RIMS1: variants seen among roughly 807,000 people sequenced by gnomAD.
RIMS1 encodes regulating synaptic membrane exocytosis protein 1.
RIMS1 carries 83 observed loss-of-function variants against 214.1 expected under a neutral mutation model. The ratio of observed to expected loss-of-function variants is 0.39; its 90% confidence interval spans 0.32 to 0.47. The LOEUF (loss-of-function observed/expected upper bound fraction) is 0.47, where lower values mean the gene tolerates loss of function less well. RIMS1 is among the 20% of genes least tolerant of loss of function. RIMS1 has a pLI of 0.99. For missense variants in RIMS1, 2,050 were observed against 2,161.8 expected (o/e 0.95, Z 1.03); for synonymous variants, 793 against 786.8 (o/e 1.01, Z -0.13).
intron 2 of RIMS1, among the ~76,000 whole-genome samples, chr6:72,096,431 A>G (rs1357081240): frequency 6.6e-6 from 1 of 152,256 alleles, no homozygotes; most frequent in Non-Finnish European, 1.5e-5. Context: ...AGTATTTGTC[A>G]AAGTATGCAT....
chr6:72,311,672 T>C (rs193237880), intron 27 of RIMS1, among the ~76,000 whole-genome samples: 120 of 152,306 alleles, frequency 7.9e-4, no homozygotes, highest in African/African-American at 2.8e-3. Flanking sequence ...ATGCCTGATA[T>C]GAAATTCTTT....
intron 29 of RIMS1, among the ~76,000 whole-genome samples, chr6:72,343,579 G>T (rs755054689): frequency 1.4e-5 from 2 of 138,364 alleles, no homozygotes; most frequent in African/African-American, 2.8e-5. Context: ...CCAAAGTCCT[G>T]GGATTACTGG....
At chr6:71,995,067 A>T (rs745421851) in intron 2 of RIMS1, among the ~76,000 whole-genome samples, 2 of 152,034 alleles carry the variant, frequency 1.3e-5, no homozygotes, top group African/African-American at 4.8e-5. Context: ...CATAGTGTAG[A>T]TCTAACACTC....
At chr6:72,237,649 C>T (rs2064798852) in intron 8 of RIMS1, among the ~76,000 whole-genome samples, 174 bp from the exon 9 acceptor site, 1 of 150,560 alleles carries the variant, frequency 6.6e-6, no homozygotes, top group Admixed American at 6.6e-5. Context: ...GCATTCCATC[C>T]TGGGTGACAG....
chr6:72,156,388 T>C (rs2044445158), intron 4 of RIMS1, among the ~76,000 whole-genome samples: 1 of 140,722 alleles, frequency 7.1e-6, no homozygotes, highest in African/African-American at 2.5e-5. Context: ...TAGAAAGAAA[T>C]ATACCACTTA....
chr6:72,112,748 C>G (rs2036357703), intron 4 of RIMS1, among the ~76,000 whole-genome samples: 1 of 152,266 alleles, frequency 6.6e-6, no homozygotes, highest in East Asian at 1.9e-4. Flanking sequence ...ATAGAACATC[C>G]TTTCTTTTTA....
intron 1 of RIMS1, among the ~76,000 whole-genome samples, chr6:71,950,952 G>A (rs1018858219): frequency 6.6e-6 from 1 of 152,154 alleles, no homozygotes; most frequent in Admixed American, 6.5e-5. Flanking sequence ...AAGAAAGCCA[G>A]CATTTTAAGA....
At chr6:72,164,045 C>T (rs1025928012) in intron 4 of RIMS1, among the ~76,000 whole-genome samples, 20 of 152,150 alleles carry the variant, frequency 1.3e-4, no homozygotes, top group African/African-American at 4.6e-4. Flanking sequence ...CCACCCAGTT[C>T]GAGCTTCCCG....
intron 29 of RIMS1, among the ~76,000 whole-genome samples, chr6:72,336,431 C>T (rs1311156309): frequency 2.0e-5 from 3 of 151,794 alleles, no homozygotes; most frequent in Non-Finnish European, 2.9e-5. Flanking sequence ...TAACATCTTC[C>T]TTCCCAGAAG....
chr6:72,157,281 T>A (rs1309994114), intron 4 of RIMS1, among the ~76,000 whole-genome samples: 2 of 140,760 alleles, frequency 1.4e-5, no homozygotes, highest in South Asian at 4.7e-4. Context: ...ATTCTGTATT[T>A]AACAAGCACA....
chr6:72,272,300 C>T (rs1340698922), intron 22 of RIMS1, among the ~76,000 whole-genome samples: 5 of 152,090 alleles, frequency 3.3e-5, no homozygotes, highest in Admixed American at 2.6e-4. Context: ...TTATAGAAAG[C>T]ATATAAAATA....
At position 72,258,978 on chromosome 6, in the gene RIMS1, C is replaced by A. The variant is rs2076936521; in HGVS notation, c.2928-8C>A. The A allele has an allele frequency of 6.2e-7, 1 of 1,612,114 alleles. No homozygotes were observed. The highest frequency in any genetic ancestry group is 1.3e-5 in the African/African-American group (1 of 74,940). ...ATTTGACACATAAGAATTTTGTAATCATTTTAGGAGTTTAGATGAAATTCA... is the reference window on the plus strand; with the variant it reads ...ATTTGACACATAAGAATTTTGTAATAATTTTAGGAGTTTAGATGAAATTCA... On this transcript the variant is annotated splice_region_variant and splice_polypyrimidine_tract_variant and intron_variant, in intron 17 of 33. Transcript: ENST00000521978.
chr6:72,307,152 A>G (rs1383019782), intron 26 of RIMS1, 106 bp from the exon 27 acceptor site: 3 of 713,474 alleles, frequency 4.2e-6, no homozygotes, highest in Non-Finnish European at 7.3e-6. Context: ...TTATTTCTAA[A>G]TTTTATTTAA....
At chr6:72,251,870 C>G (rs529589694) in intron 15 of RIMS1, among the ~76,000 whole-genome samples, 4 of 152,086 alleles carry the variant, frequency 2.6e-5, no homozygotes, top group Non-Finnish European at 5.9e-5. Flanking sequence ...GCCACCATGC[C>G]TGGCTAATTT....
intron 29 of RIMS1, among the ~76,000 whole-genome samples, chr6:72,380,752 G>C (rs919186047): frequency 9.9e-5 from 15 of 152,030 alleles, no homozygotes; most frequent in African/African-American, 3.4e-4. Context: ...GACTGGTCTT[G>C]AACTCCCAGA....
chr6:71,986,596 G>A (rs1403673501), intron 2 of RIMS1, among the ~76,000 whole-genome samples: 3 of 152,218 alleles, frequency 2.0e-5, no homozygotes, highest in Non-Finnish European at 4.4e-5. Flanking sequence ...AAATGACTCT[G>A]AAGTTTCTTA....
intron 1 of RIMS1, among the ~76,000 whole-genome samples, chr6:71,938,120 G>C (rs1458220324): frequency 1.3e-5 from 2 of 152,194 alleles, no homozygotes; most frequent in African/African-American, 4.8e-5. Context: ...CTGGTCCCAA[G>C]TAAGTCGAAA....
chr6:72,298,735 G>A (rs1230738331), intron 26 of RIMS1, among the ~76,000 whole-genome samples: 1 of 151,894 alleles, frequency 6.6e-6, no homozygotes, highest in Non-Finnish European at 1.5e-5. Context: ...ACTCAGCACT[G>A]GGATTTTGGA....
intron 2 of RIMS1, among the ~76,000 whole-genome samples, chr6:72,041,621 A>G (rs1821461162): frequency 6.6e-6 from 1 of 151,724 alleles, no homozygotes; most frequent in South Asian, 2.1e-4. Context: ...ACGTGGCCTC[A>G]CTCCCTCTTC....
Sources: allele counts gnomAD v4.1 joint callset (sites outside exome capture counted in the v4.1 genomes callset), GRCh38; gene constraint gnomAD v4.1.1; transcripts MANE v1.5; gene names NCBI Gene and HGNC (gene_info 2026-07-23, HGNC 2026-07-21).